Variants in EIF4G3 observed in about 807,000 individuals in gnomAD.
The protein encoded by EIF4G3 is eIF-4-gamma 3.
In EIF4G3, 34 loss-of-function variants were observed where a neutral mutation model predicts 186.4. That is an observed-to-expected ratio of 0.18 (90% CI 0.14 to 0.24). The LOEUF (loss-of-function observed/expected upper bound fraction) is 0.24. Ranked by LOEUF, EIF4G3 falls within the 10% of genes least tolerant of loss-of-function variation. The pLI is 1.00. For missense variants in EIF4G3, 1,536 were observed against 1,948.5 expected (o/e 0.79, Z 3.99); for synonymous variants, 673 against 679.5 (o/e 0.99, Z 0.15).
rs2096318555 is a variant in EIF4G3, at chr1:21,094,843, GA to G, written c.-271-5631del. Among the ~76,000 whole-genome samples the G allele has an allele frequency of 2.7e-5, 4 of 150,636 alleles. 1 individual carries two copies. In the South Asian group the frequency reaches 8.3e-4, roughly 31 times the overall value. ...CTTTTTGTAAATAGCCCCTACAAAA[GA>G]AAAAATAACCTATTTTAAAAAAGAG... is the stretch of plus-strand genomic sequence containing the variant. On this transcript the variant is annotated intron_variant, in intron 2 of 36. Transcript: ENST00000602326.
chr1:20,951,554 AAACTAAAAAT>A (rs1174681221), intron 12 of EIF4G3, among the ~76,000 whole-genome samples: 2 of 152,200 alleles, frequency 1.3e-5, no homozygotes, highest in Non-Finnish European at 2.9e-5. Context: ...TTCACAGCTA[AAACTAAAAAT>A]ACCGATTTTT....
intron 2 of EIF4G3, among the ~76,000 whole-genome samples, chr1:21,128,624 T>G (rs1283717077): frequency 6.6e-6 from 1 of 152,232 alleles, no homozygotes; most frequent in Non-Finnish European, 1.5e-5. Flanking sequence ...TTCTTTGGCC[T>G]TCATTTCTGT....
chr1:20,851,968 A>G (rs1367871333), intron 27 of EIF4G3, among the ~76,000 whole-genome samples: 1 of 152,212 alleles, frequency 6.6e-6, no homozygotes, highest in Non-Finnish European at 1.5e-5. Context: ...CAGTGAGCCA[A>G]GATTGCGCCA....
chr1:21,075,518 G>A (rs567737769), intron 3 of EIF4G3, among the ~76,000 whole-genome samples: 19 of 134,500 alleles, frequency 1.4e-4, no homozygotes, highest in African/African-American at 3.5e-4. Context: ...GCAGCAAGCC[G>A]AGATTATGCC....
chr1:20,979,990 G>A (rs1435924507), intron 10 of EIF4G3, among the ~76,000 whole-genome samples: 6 of 151,864 alleles, frequency 4.0e-5, no homozygotes, highest in African/African-American at 1.2e-4. Flanking sequence ...CGCCCGCCTC[G>A]GCCTCCTAAA....
intron 10 of EIF4G3, among the ~76,000 whole-genome samples, chr1:20,977,191 A>AT (rs932764761): frequency 1.1e-3 from 158 of 145,538 alleles, no homozygotes; most frequent in South Asian, 2.6e-3. Context: ...TATTATTGAA[A>AT]TTTTTTTTTT....
chr1:20,892,375 AGCCT>A (rs1558106183), intron 18 of EIF4G3, among the ~76,000 whole-genome samples: 1 of 152,202 alleles, frequency 6.6e-6, no homozygotes, highest in East Asian at 1.9e-4. Context: ...GAGTAGGCAG[AGCCT>A]GCCGAATCCT....
At chr1:20,869,297 T>C (rs1248414087) in intron 20 of EIF4G3, among the ~76,000 whole-genome samples, 1 of 151,232 alleles carries the variant, frequency 6.6e-6, no homozygotes, top group East Asian at 2.0e-4. Flanking sequence ...GAGGATAGTT[T>C]ACTTTAAAAT....
chr1:21,168,556 G>A (rs12401630), intron 2 of EIF4G3, among the ~76,000 whole-genome samples: 51,569 of 151,588 alleles, frequency 0.34, 9,433 homozygotes, highest in Non-Finnish European at 0.41. Flanking sequence ...CTGAGTAGCA[G>A]GGACTACAGG....
At position 21,156,114 on chromosome 1, in the gene EIF4G3, C is replaced by A. The variant is rs1033231332; in HGVS notation, c.-272+20061G>T. On this transcript the variant is annotated intron_variant, in intron 2 of 36. Coordinates refer to ENST00000602326, the MANE Select transcript of EIF4G3 (RefSeq NM_001391906.1). ...TGCACTCCAGCCTGGGCAACAAGAGCGAAACTCTGTCTCAAAAAAAAAAAA... is the reference window on the plus strand; with the variant it reads ...TGCACTCCAGCCTGGGCAACAAGAGAGAAACTCTGTCTCAAAAAAAAAAAA... Among the ~76,000 whole-genome samples, 3 of 141,180 alleles carry A rather than the reference C, an allele frequency of 2.1e-5. No individual in the cohort carries two copies. In the Admixed American group the frequency reaches 2.2e-4, roughly 10 times the overall value. 92.6% of individuals were successfully genotyped at this position (141,180 alleles called of 152,430 possible).
chr1:21,067,828 A>G (rs952292369), intron 3 of EIF4G3, among the ~76,000 whole-genome samples: 1 of 152,042 alleles, frequency 6.6e-6, no homozygotes, highest in Non-Finnish European at 1.5e-5. Context: ...CTCTCTTAAA[A>G]CTGCAGTTAA....
intron 18 of EIF4G3, among the ~76,000 whole-genome samples, chr1:20,889,891 T>C (rs1299995809): frequency 1.3e-5 from 2 of 152,204 alleles, no homozygotes; most frequent in Non-Finnish European, 2.9e-5. Context: ...GTTTGAAAAC[T>C]ACGTAGCTGC....
chr1:20,967,586 G>A (rs2074975900), intron 12 of EIF4G3, among the ~76,000 whole-genome samples: 1 of 152,070 alleles, frequency 6.6e-6, no homozygotes, highest in Admixed American at 6.5e-5. Context: ...TACTCATCTG[G>A]ATAATGAAAG....
At chr1:21,098,191 G>C (rs1231863968) in intron 2 of EIF4G3, among the ~76,000 whole-genome samples, 1 of 152,154 alleles carries the variant, frequency 6.6e-6, no homozygotes, top group African/African-American at 2.4e-5. Context: ...GATACAGACT[G>C]TGGTAAATAC....
intron 2 of EIF4G3, among the ~76,000 whole-genome samples, chr1:21,104,858 A>G (rs1437009062): frequency 6.6e-6 from 1 of 152,156 alleles, no homozygotes; most frequent in Non-Finnish European, 1.5e-5. Flanking sequence ...GTATATATAC[A>G]CCATGAAATA....
intron 1 of EIF4G3, 46 bp from the exon 2 acceptor site, chr1:21,176,404 G>A: frequency 4.5e-6 from 1 of 220,408 alleles, no homozygotes; most frequent in Non-Finnish European, 8.6e-6. Context: ...GCAAAGCGAA[G>A]CCACCAACCC....
intron 14 of EIF4G3, among the ~76,000 whole-genome samples, chr1:20,938,003 C>CTTTT (rs200769290): frequency 6.7e-6 from 1 of 148,264 alleles, no homozygotes; most frequent in Non-Finnish European, 1.5e-5. Context: ...CTGATGCTTT[C>CTTTT]TTTTTTTTTT....
intron 12 of EIF4G3, among the ~76,000 whole-genome samples, chr1:20,952,293 T>G (rs1256249548): frequency 6.6e-6 from 1 of 151,902 alleles, no homozygotes; most frequent in African/African-American, 2.4e-5. Flanking sequence ...TAGCTGGGGC[T>G]ACAGGTGTGC....
intron 7 of EIF4G3, among the ~76,000 whole-genome samples, chr1:20,986,759 A>AAAAG (rs2079620560): frequency 5.4e-5 from 8 of 148,336 alleles, no homozygotes; most frequent in Admixed American, 4.0e-4. Flanking sequence ...AAAAAAAAAA[A>AAAAG]AAAAAAAAAA....
Sources: allele counts gnomAD v4.1 joint callset (sites outside exome capture counted in the v4.1 genomes callset), GRCh38; gene constraint gnomAD v4.1.1; transcripts MANE v1.5; gene names NCBI Gene and HGNC (gene_info 2026-07-23, HGNC 2026-07-21).